Variants in SGCZ observed in about 807,000 individuals in gnomAD.
SGCZ encodes zeta-sarcoglycan.
SGCZ carries 40 observed loss-of-function variants against 41.3 expected under a neutral mutation model. The ratio of observed to expected loss-of-function variants is 0.97; its 90% CI spans 0.75 to 1.26. SGCZ has a LOEUF of 1.26. SGCZ is among the 50% of genes most tolerant of loss of function. SGCZ has a pLI of 0.00. For missense variants in SGCZ, 552 were observed against 369.8 expected, an observed-to-expected ratio of 1.49 and a Z score of -4.04; for synonymous variants, 206 against 137.5, an observed-to-expected ratio of 1.50 and a Z score of -3.49.
intron 1 of SGCZ, 82 bp from the exon 2 acceptor site, chr8:14,555,008 C>A: frequency 3.2e-6 from 4 of 1,259,796 alleles, no homozygotes; most frequent in East Asian, 4.7e-5. Context: ...TTTTTTGAAA[C>A]AAAAGAACAA....
rs1480920572 is a variant in SGCZ at position 14,086,699 on chromosome 8, C to T, written c.*3744G>A. Among the ~76,000 whole-genome samples the T allele has an allele frequency of 1.3e-5, 2 of 151,378 alleles. No individual in the cohort carries two copies. Among genetic ancestry groups the T allele is most frequent in the African/African-American group, 2.4e-5 (1 of 41,278 alleles). On this transcript the variant is annotated 3_prime_UTR_variant, in exon 8 of 8. Transcript: ENST00000382080. ...TCCTGTTAACCAGGCATGATTTTTC[C>T]AAAGGAACCTTAATGTTCAAATGTT...
At chr8:14,740,085 A>G (rs1030003090) in intron 1 of SGCZ, among the ~76,000 whole-genome samples, 1 of 152,062 alleles carries the variant, frequency 6.6e-6, no homozygotes, top group Non-Finnish European at 1.5e-5. Context: ...AGCATATAAT[A>G]ATAAAATGCA....
At chr8:14,880,811 G>C (rs1047696319) in intron 1 of SGCZ, among the ~76,000 whole-genome samples, 1 of 152,156 alleles carries the variant, frequency 6.6e-6, no homozygotes, top group African/African-American at 2.4e-5. Context: ...TGTGGGGTCA[G>C]GGGATGGGGG....
At chr8:14,325,747 C>CATATATATATATATAT (rs370021799) in intron 2 of SGCZ, among the ~76,000 whole-genome samples, 2 of 69,454 alleles carry the variant, frequency 2.9e-5, no homozygotes, top group Admixed American at 2.0e-4. Flanking sequence ...CACACACACA[C>CATATATATATATATAT]ATATATATAT....
At chr8:14,692,056 A>T (rs1475852521) in intron 1 of SGCZ, among the ~76,000 whole-genome samples, 3 of 152,008 alleles carry the variant, frequency 2.0e-5, no homozygotes, top group African/African-American at 7.2e-5. Flanking sequence ...ATTTCTCAAG[A>T]ATGTCAACAA....
At chr8:14,597,676 C>T (rs1249984383) in intron 1 of SGCZ, among the ~76,000 whole-genome samples, 6 of 152,116 alleles carry the variant, frequency 3.9e-5, no homozygotes, top group African/African-American at 1.2e-4. Context: ...GGGGTTTTAC[C>T]ATGTTGGCCA....
At chr8:14,715,065 A>T (rs1245680358) in intron 1 of SGCZ, among the ~76,000 whole-genome samples, 1 of 152,174 alleles carries the variant, frequency 6.6e-6, no homozygotes, top group Non-Finnish European at 1.5e-5. Flanking sequence ...TATATTCTTC[A>T]GTCAGTTTTC....
At chr8:14,102,281 T>C in intron 7 of SGCZ, 95 bp downstream of exon 7, 1 of 1,218,388 alleles carries the variant, frequency 8.2e-7, no homozygotes, top group African/African-American at 1.6e-5. Flanking sequence ...TACTGAAAGA[T>C]ATTCCTTCAC....
chr8:14,363,278 A>T (rs1803591984), intron 2 of SGCZ, among the ~76,000 whole-genome samples: 1 of 152,204 alleles, frequency 6.6e-6, no homozygotes, highest in Non-Finnish European at 1.5e-5. Flanking sequence ...ACTGGCAGTC[A>T]TATACTCTGT....
At chr8:14,553,852 A>C (rs1218724232) in intron 2 of SGCZ, among the ~76,000 whole-genome samples, 2 of 152,116 alleles carry the variant, frequency 1.3e-5, no homozygotes, top group African/African-American at 4.8e-5. Flanking sequence ...CTCACTCCTG[A>C]GGATGCAGAG....
intron 4 of SGCZ, among the ~76,000 whole-genome samples, chr8:14,234,863 T>C (rs2117159755): frequency 6.6e-6 from 1 of 152,312 alleles, no homozygotes; most frequent in African/African-American, 2.4e-5. Flanking sequence ...ATACACTTTC[T>C]GTGTTGTGTT....
chr8:14,415,447 A>C (rs1446974127), intron 2 of SGCZ, among the ~76,000 whole-genome samples: 1 of 151,896 alleles, frequency 6.6e-6, no homozygotes, highest in African/African-American at 2.4e-5. Context: ...TGATGAATGC[A>C]TATTTTAATA....
intron 1 of SGCZ, among the ~76,000 whole-genome samples, chr8:15,205,528 G>A (rs1467352579): frequency 6.6e-6 from 1 of 152,064 alleles, no homozygotes; most frequent in Non-Finnish European, 1.5e-5. Flanking sequence ...GAGAATTAGA[G>A]AAATGCAAAT....
intron 1 of SGCZ, among the ~76,000 whole-genome samples, chr8:14,709,092 A>C (rs1809431319): frequency 6.6e-6 from 1 of 152,170 alleles, no homozygotes; most frequent in African/African-American, 2.4e-5. Context: ...TAAAAATTTG[A>C]ATTCTATCCC....
At chr8:14,775,001 G>T (rs1800357301) in intron 1 of SGCZ, among the ~76,000 whole-genome samples, 1 of 152,036 alleles carries the variant, frequency 6.6e-6, no homozygotes, top group African/African-American at 2.4e-5. Flanking sequence ...GGAAAAAAAT[G>T]CTTGTATGGA....
At position 14,230,748 on chromosome 8, in the gene SGCZ, T is replaced by C. The variant is rs950885863; in HGVS notation, c.424+6844A>G. Among the ~76,000 whole-genome samples the C allele has an allele frequency of 2.3e-3, 284 of 123,726 alleles. 2 individuals are homozygous for C. Among genetic ancestry groups the C allele is most frequent in the Non-Finnish European group, 3.6e-3 (194 of 54,020 alleles). The allele number at this position is 123,726 out of a possible 152,430, so 81.2% of individuals were successfully genotyped here. The stretch of plus-strand genomic sequence containing the variant: ...CATATATTCTTGTCTTCTTTCCTTC[T>C]TTTTTTTTTGGTGGTGGTGGGGGGG... On this transcript the variant is annotated intron_variant, in intron 4 of 7. Coordinates refer to ENST00000382080, the MANE Select transcript of SGCZ (RefSeq NM_139167.4).
At chr8:14,825,098 G>C (rs1281163916) in intron 1 of SGCZ, among the ~76,000 whole-genome samples, 2 of 152,086 alleles carry the variant, frequency 1.3e-5, no homozygotes, top group Non-Finnish European at 2.9e-5. Flanking sequence ...TCAGCATCCA[G>C]CTAGTAACCT....
intron 1 of SGCZ, among the ~76,000 whole-genome samples, chr8:14,988,129 G>C (rs533047346): frequency 8.6e-5 from 13 of 151,880 alleles, no homozygotes; most frequent in Middle Eastern, 3.4e-3. Flanking sequence ...TTGTTTTGGA[G>C]GATATTTAGG....
chr8:14,623,448 A>G (rs1806350270), intron 1 of SGCZ, among the ~76,000 whole-genome samples: 1 of 152,214 alleles, frequency 6.6e-6, no homozygotes, highest in South Asian at 2.1e-4. Flanking sequence ...AGAGGCAGAC[A>G]TCTCTGACCT....
Sources: allele counts gnomAD v4.1 joint callset (sites outside exome capture counted in the v4.1 genomes callset), GRCh38; gene constraint gnomAD v4.1.1; transcripts MANE v1.5; gene names NCBI Gene and HGNC (gene_info 2026-07-23, HGNC 2026-07-21).